Variants in OSBPL8 observed in about 807,000 individuals in gnomAD.
The protein encoded by OSBPL8 is oxysterol-binding protein-related protein 8.
OSBPL8 carries 59 observed loss-of-function variants against 125.5 expected under a neutral mutation model. The observed-to-expected ratio is 0.47, with a 90% CI of 0.38 to 0.58. OSBPL8 has a LOEUF of 0.58. OSBPL8 is among the 20% of genes least tolerant of loss of function. The pLI, the probability that OSBPL8 is intolerant of heterozygous loss-of-function variation, is 0.00. For missense variants in OSBPL8, 758 were observed against 1,047.8 expected (o/e 0.72, Z 3.82); for synonymous variants, 330 against 338.9 (o/e 0.97, Z 0.29).
At chr12:76,444,368 T>A (rs1474180590) in intron 4 of OSBPL8, among the ~76,000 whole-genome samples, 1 of 152,146 alleles carries the variant, frequency 6.6e-6, no homozygotes. Flanking sequence ...AGCAGTGATA[T>A]AAGAATTTTG....
intron 21 of OSBPL8, among the ~76,000 whole-genome samples, chr12:76,360,891 GC>G (rs1368965617): frequency 6.6e-6 from 1 of 152,180 alleles, no homozygotes; most frequent in Non-Finnish European, 1.5e-5. Flanking sequence ...GGAACCCTGG[GC>G]CCAGCCCATG....
At chr12:76,375,404 GAGTAT>G (rs767671058) in intron 16 of OSBPL8, 34 bp from the exon 17 acceptor site, 6 of 1,448,866 alleles carry the variant, frequency 4.1e-6, no homozygotes, top group African/African-American at 2.8e-5. Flanking sequence ...AAATTGAAAA[GAGTAT>G]AGTATAGTAT....
At chr12:76,548,752 GA>G (rs1228313036) in intron 1 of OSBPL8, among the ~76,000 whole-genome samples, 12 of 150,722 alleles carry the variant, frequency 8.0e-5, no homozygotes, top group Non-Finnish European at 1.5e-4. Context: ...CCTACTCAAA[GA>G]AAAAAAAATC....
At chr12:76,472,929 C>T (rs534844072) in intron 2 of OSBPL8, among the ~76,000 whole-genome samples, 142 of 152,124 alleles carry the variant, frequency 9.3e-4, no homozygotes, top group South Asian at 2.5e-3. Context: ...TAAACTCCCC[C>T]GGGGAAAGGG....
chr12:76,427,276 C>T (rs1283988227), intron 4 of OSBPL8, among the ~76,000 whole-genome samples: 1 of 152,002 alleles, frequency 6.6e-6, no homozygotes. Flanking sequence ...TTCAATTATT[C>T]TCTACAACCT....
intron 1 of OSBPL8, among the ~76,000 whole-genome samples, chr12:76,503,290 C>T (rs1880088351): frequency 6.6e-6 from 1 of 152,202 alleles, no homozygotes. Context: ...AGACCTTTCT[C>T]CTTAGCTTGA....
chr12:76,557,177 A>C (rs1191479940), intron 1 of OSBPL8, among the ~76,000 whole-genome samples: 2 of 152,228 alleles, frequency 1.3e-5, no homozygotes, highest in African/African-American at 4.8e-5. Flanking sequence ...TTCCAAATTA[A>C]TATTAGAAAA....
intron 22 of OSBPL8, among the ~76,000 whole-genome samples, chr12:76,357,476 G>C (rs1431819216): frequency 6.6e-6 from 1 of 152,134 alleles, no homozygotes; most frequent in Non-Finnish European, 1.5e-5. Flanking sequence ...CCTTAGGCAG[G>C]TTAACTTGTG....
At chr12:76,385,949 T>A in intron 14 of OSBPL8, 1 of 574,382 alleles carries the variant, frequency 1.7e-6, no homozygotes, top group Non-Finnish European at 2.5e-6. Context: ...AAAATAAAGA[T>A]TTATTTTTGG....
intron 4 of OSBPL8, among the ~76,000 whole-genome samples, chr12:76,444,428 A>G (rs1052817228): frequency 1.3e-5 from 2 of 152,198 alleles, no homozygotes; most frequent in Non-Finnish European, 2.9e-5. Flanking sequence ...AAGAGAACAG[A>G]TTTAAACTAC....
At chr12:76,544,809 A>G (rs897456778) in intron 1 of OSBPL8, among the ~76,000 whole-genome samples, 2 of 152,096 alleles carry the variant, frequency 1.3e-5, no homozygotes, top group African/African-American at 4.8e-5. Context: ...TAGCAGCAAC[A>G]TGACTGAACA....
chr12:76,426,565 G>T (rs900388870), intron 4 of OSBPL8, among the ~76,000 whole-genome samples: 3 of 152,154 alleles, frequency 2.0e-5, no homozygotes, highest in African/African-American at 7.2e-5. Flanking sequence ...AAGAGATAAG[G>T]ATCAGGAGAT....
chr12:76,380,563 C>T (rs1953004402), intron 15 of OSBPL8, among the ~76,000 whole-genome samples: 1 of 140,718 alleles, frequency 7.1e-6, no homozygotes, highest in Admixed American at 7.2e-5. Context: ...TGCAAGTATT[C>T]ATTTCTAGTA....
At chr12:76,373,917 T>C (rs1474699442) in intron 17 of OSBPL8, among the ~76,000 whole-genome samples, 1 of 152,054 alleles carries the variant, frequency 6.6e-6, no homozygotes, top group Non-Finnish European at 1.5e-5. Flanking sequence ...ATACACTGAG[T>C]TACTATAATG....
At chr12:76,470,552 T>G (rs1329030560) in intron 2 of OSBPL8, among the ~76,000 whole-genome samples, 2 of 152,242 alleles carry the variant, frequency 1.3e-5, no homozygotes, top group African/African-American at 4.8e-5. Context: ...ATTCTTTGCA[T>G]GCTTATATAG....
At chr12:76,508,847 T>C (rs1880691171) in intron 1 of OSBPL8, among the ~76,000 whole-genome samples, 1 of 152,230 alleles carries the variant, frequency 6.6e-6, no homozygotes, top group South Asian at 2.1e-4. Flanking sequence ...TACCCACCCC[T>C]TTCCCAGAAA....
intron 4 of OSBPL8, among the ~76,000 whole-genome samples, chr12:76,446,274 T>G (rs1378225995): frequency 1.3e-5 from 2 of 152,168 alleles, no homozygotes. Context: ...TTTCTGGACA[T>G]TGGTTTATCT....
intron 4 of OSBPL8, among the ~76,000 whole-genome samples, chr12:76,448,130 T>C (rs1209994439): frequency 6.6e-6 from 1 of 152,198 alleles, no homozygotes; most frequent in Non-Finnish European, 1.5e-5. Context: ...TTAAGTATTT[T>C]GGGGTACGTC....
At chr12:76,367,229 G>GGTGTGTGTGTGTGTGTGTGTGT in intron 21 of OSBPL8, among the ~76,000 whole-genome samples, 1 of 147,278 alleles carries the variant, frequency 6.8e-6, no homozygotes, top group South Asian at 2.2e-4. Flanking sequence ...TTTGTTGATT[G>GGTGTGTGTGTGTGTGTGTGTGT]GTGTGTGTGT....
Sources: allele counts gnomAD v4.1 joint callset (sites outside exome capture counted in the v4.1 genomes callset), GRCh38; gene constraint gnomAD v4.1.1; transcripts MANE v1.5; gene names NCBI Gene and HGNC (gene_info 2026-07-23, HGNC 2026-07-21).